Variants in DEUP1 observed in about 807,000 individuals in gnomAD.
The protein encoded by DEUP1 is coiled-coil domain containing 67.
DEUP1 carries 82 observed loss-of-function variants against 87.4 expected under a neutral mutation model. That is an observed-to-expected ratio of 0.94 (90% CI 0.78 to 1.13). The LOEUF (loss-of-function observed/expected upper bound fraction) is 1.13, where lower values mean the gene tolerates loss of function less well. Among genes scored for constraint, DEUP1 ranks in the 50% most tolerant of loss-of-function variants. DEUP1 has a pLI of 0.00. For missense variants in DEUP1, 663 were observed against 681.5 expected, an observed-to-expected ratio of 0.97 and a Z score of 0.30; for synonymous variants, 214 against 222.7, an observed-to-expected ratio of 0.96 and a Z score of 0.35.
intron 5 of DEUP1, among the ~76,000 whole-genome samples, chr11:93,366,348 A>G (rs1345004172): frequency 3.9e-5 from 6 of 152,214 alleles, no homozygotes; most frequent in African/African-American, 1.2e-4. Context: ...CATCTCCAAT[A>G]TTTATTAGAG....
At chr11:93,434,769 C>T (rs1948194424) in intron 13 of DEUP1, among the ~76,000 whole-genome samples, 1 of 152,186 alleles carries the variant, frequency 6.6e-6, no homozygotes, top group Admixed American at 6.5e-5. Flanking sequence ...TGAAGCCATT[C>T]CTACTTCCTC....
chr11:93,415,137 T>C (rs1264656870), intron 13 of DEUP1, 23 bp downstream of exon 13: 22 of 1,429,984 alleles, frequency 1.5e-5, no homozygotes, highest in Non-Finnish European at 2.2e-5. Flanking sequence ...TTGTGGGCTT[T>C]TTTTTTCTTT....
chr11:93,391,447 C>T (rs201180969), intron 9 of DEUP1, among the ~76,000 whole-genome samples: 16 of 152,024 alleles, frequency 1.1e-4, no homozygotes, highest in Admixed American at 3.3e-4. Context: ...CCGTGGCTCA[C>T]GCCTGTAATC....
chr11:93,351,350 T>A (rs1944618274), intron 2 of DEUP1, among the ~76,000 whole-genome samples: 2 of 152,216 alleles, frequency 1.3e-5, no homozygotes, highest in South Asian at 4.1e-4. Flanking sequence ...AAGTTAGCAA[T>A]TAAAAGAACT....
rs1565316360 is a variant in DEUP1, at chr11:93,373,628, T to TGC, written c.789+2348_789+2349insGC. Among the ~76,000 whole-genome samples, 152 of 140,152 alleles carry TGC rather than the reference T, an allele frequency of 1.1e-3. 1 individual carries two copies. Among genetic ancestry groups the TGC allele is most frequent in the African/African-American group, 3.9e-3 (142 of 36,748 alleles). 91.9% of individuals were successfully genotyped at this position (140,152 alleles called of 152,430 possible). ...ATTTATATATGTATATATATACGTA[T>TGC]ATATATATATATATATATATATACG... On this transcript the variant is annotated intron_variant, in intron 7 of 13. Transcript: ENST00000298050.
At chr11:93,385,584 A>C (rs1314154049) in intron 8 of DEUP1, 41 bp downstream of exon 8, 1 of 1,486,156 alleles carries the variant, frequency 6.7e-7, no homozygotes, top group Non-Finnish European at 9.0e-7. Context: ...AACTGTTCAA[A>C]ACATGATGTT....
At chr11:93,414,949 A>C (rs763096491) in intron 12 of DEUP1, 51 bp from the exon 13 acceptor site, 218 of 1,033,104 alleles carry the variant, frequency 2.1e-4, no homozygotes, top group Non-Finnish European at 2.9e-4. Flanking sequence ...AGCTACATAA[A>C]TAAACATGTG....
At chr11:93,396,671 T>A (rs779183385) in intron 11 of DEUP1, among the ~76,000 whole-genome samples, 3 of 152,196 alleles carry the variant, frequency 2.0e-5, no homozygotes, top group African/African-American at 4.8e-5. Flanking sequence ...AAGCCACCCC[T>A]GAAACCCCAG....
intron 10 of DEUP1, 131 bp downstream of exon 10, chr11:93,394,787 C>A: frequency 1.5e-6 from 1 of 671,456 alleles, no homozygotes; most frequent in African/African-American, 1.8e-5. Flanking sequence ...CACAGAAATG[C>A]TTTGTGGTGT....
chr11:93,335,251 A>G (rs1943696341), intron 2 of DEUP1, among the ~76,000 whole-genome samples: 1 of 144,448 alleles, frequency 6.9e-6, no homozygotes, highest in South Asian at 2.3e-4. Flanking sequence ...TAGTCATAGG[A>G]TATGGACTAT....
intron 13 of DEUP1, among the ~76,000 whole-genome samples, chr11:93,430,153 A>G (rs1948059836): frequency 6.6e-6 from 1 of 152,156 alleles, no homozygotes; most frequent in Non-Finnish European, 1.5e-5. Flanking sequence ...CCCTCTGGCT[A>G]CTGTTTCCCA....
chr11:93,341,731 C>T (rs923393164), intron 2 of DEUP1, among the ~76,000 whole-genome samples: 4 of 152,048 alleles, frequency 2.6e-5, no homozygotes, highest in South Asian at 2.1e-4. Flanking sequence ...CTTAAAGATG[C>T]GGTATGTTAG....
chr11:93,359,319 T>C (rs1237700378), intron 4 of DEUP1, among the ~76,000 whole-genome samples: 1 of 152,192 alleles, frequency 6.6e-6, no homozygotes, highest in Non-Finnish European at 1.5e-5. Flanking sequence ...AAAGCTTCCT[T>C]TTAGAAATTG....
chr11:93,374,383 G>T lies in DEUP1; in HGVS notation c.789+3103G>T, dbSNP rs183617219. Among the ~76,000 whole-genome samples the T allele has an allele frequency of 4.7e-3, 709 of 152,244 alleles. 3 individuals carry two copies. The highest frequency in any genetic ancestry group is 0.016 in the African/African-American group (678 of 41,526). On this transcript the variant is annotated intron_variant, in intron 7 of 13. Transcript: ENST00000298050. ...CAATGTCTAGAAGGGTTTTTCCAAC[G>T]TTATCTTCTAGAATCTTTATGGTTT... is the stretch of plus-strand genomic sequence containing the variant.
chr11:93,340,920 C>T (rs1258222202), intron 2 of DEUP1, among the ~76,000 whole-genome samples: 2 of 152,184 alleles, frequency 1.3e-5, no homozygotes, highest in Non-Finnish European at 2.9e-5. Context: ...CCTGTATGTA[C>T]ACCTGTATAT....
chr11:93,385,115 A>C (rs1486183928), intron 7 of DEUP1, among the ~76,000 whole-genome samples: 1 of 152,104 alleles, frequency 6.6e-6, no homozygotes, highest in Non-Finnish European at 1.5e-5. Flanking sequence ...CCAGCTACTC[A>C]GGAGGTTAAG....
chr11:93,341,995 G>C (rs986233738), intron 2 of DEUP1, among the ~76,000 whole-genome samples: 1 of 151,932 alleles, frequency 6.6e-6, no homozygotes, highest in African/African-American at 2.4e-5. Context: ...GTTTTTCTCG[G>C]CTTCATCCTC....
intron 7 of DEUP1, among the ~76,000 whole-genome samples, chr11:93,375,778 T>G (rs1236351689): frequency 6.6e-6 from 1 of 152,150 alleles, no homozygotes; most frequent in Admixed American, 6.5e-5. Flanking sequence ...GGTTTTGATA[T>G]TAGGGTGATA....
chr11:93,396,646 A>G (rs1005500831), intron 11 of DEUP1, among the ~76,000 whole-genome samples: 11 of 152,150 alleles, frequency 7.2e-5, no homozygotes, highest in African/African-American at 2.7e-4. Flanking sequence ...TCAAGTGCCA[A>G]TCTTCCCCTC....
Sources: allele counts gnomAD v4.1 joint callset (sites outside exome capture counted in the v4.1 genomes callset), GRCh38; gene constraint gnomAD v4.1.1; transcripts MANE v1.5; gene names NCBI Gene and HGNC (gene_info 2026-07-23, HGNC 2026-07-21).